The following RBM33 variants were observed in gnomAD, a reference collection of about 807,000 sequenced individuals.
RBM33 encodes the protein RNA-binding protein 33.
RBM33 carries 28 observed loss-of-function variants against 132.6 expected under a neutral mutation model. The ratio of observed to expected loss-of-function variants is 0.21; its 90% CI spans 0.16 to 0.29. The LOEUF (loss-of-function observed/expected upper bound fraction) is 0.29. Ranked by LOEUF, RBM33 falls within the 10% of genes least tolerant of loss-of-function variation. The pLI is 1.00. For missense variants in RBM33, 1,291 were observed against 1,518.5 expected (o/e 0.85, Z 2.49); for synonymous variants, 634 against 593.0 (o/e 1.07, Z -1.01).
chr7:155,683,231 G>A (rs534572358), intron 5 of RBM33, among the ~76,000 whole-genome samples: 3 of 152,258 alleles, frequency 2.0e-5, no homozygotes, highest in South Asian at 2.1e-4. Context: ...GAGGAGATAC[G>A]CAGAGAATTA....
intron 1 of RBM33, among the ~76,000 whole-genome samples, chr7:155,655,217 TC>T (rs1377646254): frequency 1.3e-5 from 2 of 152,102 alleles, no homozygotes. Flanking sequence ...ATTGGAGAAT[TC>T]CCCCCCATTA....
intron 5 of RBM33, among the ~76,000 whole-genome samples, chr7:155,696,861 C>T (rs1038894747): frequency 6.6e-6 from 1 of 152,164 alleles, no homozygotes; most frequent in African/African-American, 2.4e-5. Flanking sequence ...ATGACCTTGA[C>T]AGCTTTAGGA....
chr7:155,751,031 C>G (rs1326939558), intron 14 of RBM33, among the ~76,000 whole-genome samples: 1 of 152,126 alleles, frequency 6.6e-6, no homozygotes, highest in Non-Finnish European at 1.5e-5. Context: ...TGGCTTTGGA[C>G]TGCATTTGTA....
intron 14 of RBM33, among the ~76,000 whole-genome samples, chr7:155,755,482 A>C (rs1333733651): frequency 1.3e-5 from 2 of 152,254 alleles, no homozygotes; most frequent in Non-Finnish European, 1.5e-5. Context: ...GAAGATAAGG[A>C]AAATTAATTT....
chr7:155,726,970 G>A (rs1181434724), intron 9 of RBM33, among the ~76,000 whole-genome samples: 1 of 152,298 alleles, frequency 6.6e-6, no homozygotes, highest in Non-Finnish European at 1.5e-5. Context: ...AGTGACTTGT[G>A]TGCCAGTTTA....
chr7:155,697,689 TTTCA>T (rs1245923142), intron 5 of RBM33, among the ~76,000 whole-genome samples: 1 of 152,202 alleles, frequency 6.6e-6, no homozygotes, highest in Admixed American at 6.5e-5. Context: ...GAGATCATAC[TTTCA>T]TTTCAGAATT....
At position 155,673,599 on chromosome 7, in the gene RBM33, C is replaced by T. The variant is rs183755648; in HGVS notation, c.171+684C>T. ...ACACACGTGTATATATATATACACACATATACATACACACGTGTATATATA... is the reference window on the plus strand; with the variant it reads ...ACACACGTGTATATATATATACACATATATACATACACACGTGTATATATA... On this transcript the variant is annotated intron_variant, in intron 3 of 17. Transcript: ENST00000401878. Among the ~76,000 whole-genome samples the T allele has an allele frequency of 2.0e-3, 166 of 81,902 alleles. 10 individuals carry two copies. Among genetic ancestry groups the T allele is most frequent in the African/African-American group, 2.8e-3 (48 of 17,440 alleles). 53.7% of individuals were successfully genotyped at this position (81,902 alleles called of 152,430 possible).
Position 155,745,385 on chromosome 7 carries a change from A to G in RBM33, c.2762A>G (p.Gln921Arg), listed in dbSNP as rs146947569. 3.7e-6 allele frequency: 6 copies of G among 1,613,536 alleles called. No individual in the cohort carries two copies. The highest frequency in any genetic ancestry group is 2.7e-5 in the African/African-American group (2 of 75,056). Reference sequence around the variant, plus strand: ...TTGAGACAGACCAGAACAGTTCCTCAAAGTCAGACTCAGCCGCTGCATAAA... The same window carrying G: ...TTGAGACAGACCAGAACAGTTCCTCGAAGTCAGACTCAGCCGCTGCATAAA... The part of the protein sequence containing the change: ...KHLRQTRTVP[Q>R]SQTQPLHKVL... The change falls in exon 14 of 18, where the codon CAA becomes CGA. Residue 921 changes from glutamine (Q) to arginine (R), a missense_variant. By Grantham distance (43) the Gln-to-Arg change is conservative. Coordinates refer to ENST00000401878, the MANE Select transcript of RBM33 (RefSeq NM_053043.3). This position sits in a 1 kb window ranked among gnomAD's most constrained non-coding sequence, Gnocchi z 4.1.
At chr7:155,648,596 T>G (rs1798265547) in intron 1 of RBM33, among the ~76,000 whole-genome samples, 1 of 151,498 alleles carries the variant, frequency 6.6e-6, no homozygotes, top group South Asian at 2.1e-4. Flanking sequence ...GATGTTTTCA[T>G]ACTGATAATT....
chr7:155,707,450 A>T, intron 7 of RBM33: 2 of 371,212 alleles, frequency 5.4e-6, no homozygotes, highest in South Asian at 2.1e-5. Flanking sequence ...TGTTTATTTT[A>T]TAAAAATATC....
intron 1 of RBM33, among the ~76,000 whole-genome samples, chr7:155,662,652 A>G (rs778983840): frequency 6.6e-6 from 1 of 151,974 alleles, no homozygotes; most frequent in Non-Finnish European, 1.5e-5. Context: ...GGTCTCCTCA[A>G]TTTGACTTTC....
At chr7:155,732,803 C>T (rs1295791616) in intron 9 of RBM33, among the ~76,000 whole-genome samples, 2 of 152,110 alleles carry the variant, frequency 1.3e-5, no homozygotes, top group African/African-American at 4.8e-5. Flanking sequence ...AGAAGGTGCT[C>T]AGAGGTGTGA....
chr7:155,739,825 G>GCCCCAGCACCAGCCCCCA lies in RBM33; in HGVS notation c.1859_1876dup (p.Gln620_His625dup). ...CGCACCAGCCCCCGCACCAGCCCCC[G>GCCCCAGCACCAGCCCCCA]CCCCAGCACCAGCCCCCACCCCAGC... On this transcript the variant is annotated inframe_insertion, in exon 12 of 18. Transcript: ENST00000401878. 3.0e-5 allele frequency: 5 copies of GCCCCAGCACCAGCCCCCA among 164,070 alleles called. No individual in the cohort carries two copies. The highest frequency in any genetic ancestry group is 7.5e-5 in the South Asian group (1 of 13,420). 10.2% of individuals were successfully genotyped at this position (164,070 alleles called of 1,614,324 possible).
chr7:155,724,578 A>G (rs10246911), intron 9 of RBM33, among the ~76,000 whole-genome samples: 36,539 of 152,086 alleles, frequency 0.24, 4,659 homozygotes, highest in African/African-American at 0.32. Context: ...AATTCTTCCA[A>G]AAGATGAGAA....
intron 16 of RBM33, among the ~76,000 whole-genome samples, chr7:155,768,347 AT>A (rs1467318825): frequency 6.6e-6 from 1 of 152,116 alleles, no homozygotes; most frequent in Non-Finnish European, 1.5e-5. Flanking sequence ...TGAATTTTGC[AT>A]TTTGTACCGT....
In RBM33 at chr7:155,775,662, G is replaced by A. The variant is rs1271350011; in HGVS notation, c.*621G>A. On this transcript the variant is annotated 3_prime_UTR_variant, in exon 18 of 18. Transcript: ENST00000401878. ...TCTGCTTCTTGTCACTGTTTCAAAA[G>A]CGTCAACTCTGTGTTCCTAGTTTCG... 6.3e-6 allele frequency: 1 copy of A among 157,650 alleles called. No individual in the cohort carries two copies. Among genetic ancestry groups the A allele is most frequent in the Non-Finnish European group, 1.4e-5 (1 of 71,006 alleles). 9.8% of individuals were successfully genotyped at this position (157,650 alleles called of 1,614,324 possible). A position where few individuals can be genotyped will look rare whatever the true frequency, so the allele number is the denominator to read the frequency against.
chr7:155,666,897 G>C (rs1204661103), intron 2 of RBM33, among the ~76,000 whole-genome samples: 1 of 152,088 alleles, frequency 6.6e-6, no homozygotes, highest in African/African-American at 2.4e-5. Context: ...TTTCTGTGTA[G>C]TTTTTATTCT....
At chr7:155,646,616 C>G (rs1226479953) in intron 1 of RBM33, among the ~76,000 whole-genome samples, 1 of 152,208 alleles carries the variant, frequency 6.6e-6, no homozygotes, top group African/African-American at 2.4e-5. Context: ...GACTCCTGAT[C>G]CAGTGGATCT....
rs529955121 is a variant in RBM33, at chr7:155,718,417, C to G, written c.1234C>G (p.Pro412Ala). ...GCTACCAGTTCCGAGCCAGCCGAGA[C>G]CTGCCGTGGGACCCCAGAGATTCCC... ...PLLPVPSQPR[P>A]AVGPQRFPGP... The change falls in exon 9 of 18, where the codon CCT (proline) becomes GCT (alanine). Residue 412 changes from proline to alanine, a missense_variant. Physicochemically the swap from Pro to Ala is conservative, Grantham distance 27. Coordinates refer to ENST00000401878, the MANE Select transcript of RBM33 (RefSeq NM_053043.3). 6.2e-7 allele frequency: 1 copy of G among 1,613,724 alleles called. No individual in the cohort carries two copies. The highest frequency in any genetic ancestry group is 1.3e-5 in the African/African-American group (1 of 74,868).
Sources: allele counts gnomAD v4.1 joint callset (sites outside exome capture counted in the v4.1 genomes callset), GRCh38; gene constraint gnomAD v4.1.1; non-coding constraint Gnocchi (gnomAD v3.1); transcripts MANE v1.5; gene names NCBI Gene and HGNC (gene_info 2026-07-23, HGNC 2026-07-21).